The following GLI3 variants were observed in gnomAD, a reference collection of about 807,000 sequenced individuals.
GLI3 encodes the protein transcription activator GLI3.
GLI3 carries 20 observed loss-of-function variants against 100.8 expected under a neutral mutation model. The observed-to-expected ratio is 0.20, with a 90% confidence interval of 0.14 to 0.29. GLI3 has a LOEUF of 0.29. GLI3 is among the 10% of genes least tolerant of loss of function. The pLI, the probability that GLI3 is intolerant of heterozygous loss-of-function variation, is 1.00. For missense variants in GLI3, 2,040 were observed against 2,128.5 expected (o/e 0.96, Z 0.82); for synonymous variants, 938 against 860.5 (o/e 1.09, Z -1.58).
intron 10 of GLI3, among the ~76,000 whole-genome samples, chr7:41,989,266 A>G (rs1291114144): frequency 1.3e-5 from 2 of 152,212 alleles, no homozygotes; most frequent in African/African-American, 4.8e-5. Flanking sequence ...TAGTCATGGA[A>G]CGAAATTATT....
chr7:42,140,608 G>C (rs1008841538), intron 3 of GLI3, among the ~76,000 whole-genome samples: 1 of 152,162 alleles, frequency 6.6e-6, no homozygotes, highest in African/African-American at 2.4e-5. Context: ...TCAGAAGACA[G>C]GGAGAAGAGA....
chr7:42,152,543 A>G (rs909200375), intron 2 of GLI3: 2 of 381,658 alleles, frequency 5.2e-6, no homozygotes, highest in African/African-American at 4.4e-5. Flanking sequence ...TAACAAGCTC[A>G]TTAGTATTCT....
At chr7:42,179,360 G>T (rs1787545795) in intron 2 of GLI3, among the ~76,000 whole-genome samples, 1 of 152,186 alleles carries the variant, frequency 6.6e-6, no homozygotes, top group South Asian at 2.1e-4. Context: ...CTGGAGCAGA[G>T]GGAAGGCGTG....
intron 1 of GLI3, among the ~76,000 whole-genome samples, chr7:42,257,380 G>A (rs1423407749): frequency 2.7e-5 from 4 of 147,764 alleles, no homozygotes; most frequent in Non-Finnish European, 6.0e-5. Context: ...TTTTGAGACG[G>A]AGTCTCGCTC....
At chr7:42,155,054 T>G (rs775100064) in intron 2 of GLI3, among the ~76,000 whole-genome samples, 1 of 152,202 alleles carries the variant, frequency 6.6e-6, no homozygotes, top group Admixed American at 6.5e-5. Flanking sequence ...GAAATTCAAG[T>G]GACAACTCTC....
chr7:42,238,818 C>T (rs1217550754), upstream of GLI3, among the ~76,000 whole-genome samples: 1 of 152,208 alleles, frequency 6.6e-6, no homozygotes, highest in Non-Finnish European at 1.5e-5. Flanking sequence ...TCCAACATCC[C>T]CTCTTTCTGG....
chr7:42,118,864 T>C (rs1261084707), intron 3 of GLI3, among the ~76,000 whole-genome samples: 6 of 152,240 alleles, frequency 3.9e-5, no homozygotes, highest in Non-Finnish European at 8.8e-5. Flanking sequence ...AACAAATCAC[T>C]GTTTTGAAAG....
intron 2 of GLI3, among the ~76,000 whole-genome samples, chr7:42,187,503 T>G (rs1787740799): frequency 6.6e-6 from 1 of 152,118 alleles, no homozygotes; most frequent in South Asian, 2.1e-4. Flanking sequence ...TAATAAGATT[T>G]TCATTATTTT....
intron 3 of GLI3, among the ~76,000 whole-genome samples, chr7:42,100,670 G>C (rs1334631768): frequency 6.6e-6 from 1 of 152,026 alleles, no homozygotes; most frequent in African/African-American, 2.4e-5. Context: ...TGAAGCCAGG[G>C]GGCGAAGGTT....
chr7:42,176,354 T>C (rs1172532794), intron 2 of GLI3, among the ~76,000 whole-genome samples: 1 of 151,620 alleles, frequency 6.6e-6, no homozygotes, highest in Non-Finnish European at 1.5e-5. Context: ...TGAAGGCCCA[T>C]AGGTCACATG....
intron 3 of GLI3, among the ~76,000 whole-genome samples, chr7:42,126,946 A>G (rs1583580079): frequency 6.6e-6 from 1 of 152,008 alleles, no homozygotes; most frequent in East Asian, 1.9e-4. Flanking sequence ...CCAGAGAAAA[A>G]CCCAATGACG....
rs201070431 is a variant in GLI3 at position 42,026,234 on chromosome 7, C to T, written c.1207G>A (p.Val403Ile). 195 of 1,613,600 alleles carry T rather than the reference C, an allele frequency of 1.2e-4. No individual in the cohort carries two copies. The highest frequency in any genetic ancestry group is 1.4e-4 in the Non-Finnish European group (170 of 1,179,824). Residue 403 changes from valine to isoleucine, a missense_variant, in exon 8 of 15, where the codon GTC becomes ATC. Physicochemically the swap from Val to Ile is conservative, Grantham distance 29. Around this residue, in one of 5 missense-constraint regions of GLI3, gnomAD observed 603 missense variants for 690.9 expected, o/e 0.87. Coordinates refer to ENST00000395925, the MANE Select transcript of GLI3 (RefSeq NM_000168.6). ...TCAGAAGGGCCGGAGCTGACCTGGA[C>T]GGGGTTCAGAACCGTAGGGATCCCT... ...IPGIPTVLNP[V>I]QVSSGPSESS...
At chr7:42,182,873 G>C (rs1252492011) in intron 2 of GLI3, among the ~76,000 whole-genome samples, 6 of 151,604 alleles carry the variant, frequency 4.0e-5, no homozygotes, top group Admixed American at 6.6e-5. Flanking sequence ...TTTGAGGCCA[G>C]GAGTTCAAGA....
chr7:42,099,715 G>T (rs1303337126), intron 3 of GLI3, among the ~76,000 whole-genome samples: 2 of 152,170 alleles, frequency 1.3e-5, no homozygotes, highest in African/African-American at 4.8e-5. Flanking sequence ...ATTATTTGTA[G>T]AGACAGAGTC....
chr7:42,186,835 G>T (rs1787725537), intron 2 of GLI3, among the ~76,000 whole-genome samples: 1 of 152,124 alleles, frequency 6.6e-6, no homozygotes, highest in South Asian at 2.1e-4. Flanking sequence ...TCTACATTTT[G>T]GGATTAAATA....
intron 7 of GLI3, among the ~76,000 whole-genome samples, chr7:42,039,815 T>C (rs1411900722): frequency 6.6e-6 from 1 of 152,216 alleles, no homozygotes; most frequent in Non-Finnish European, 1.5e-5. Context: ...TATTTCTATA[T>C]AGGGGCTATT....
At chr7:42,251,877 T>G (rs7801705) in intron 1 of GLI3, among the ~76,000 whole-genome samples, 1 of 151,540 alleles carries the variant, frequency 6.6e-6, no homozygotes, top group Non-Finnish European at 1.5e-5. Flanking sequence ...TCAGAAGTAA[T>G]GGCAAGTTAT....
chr7:42,189,010 A>G (rs1217737255), intron 2 of GLI3, among the ~76,000 whole-genome samples: 1 of 152,152 alleles, frequency 6.6e-6, no homozygotes, highest in Non-Finnish European at 1.5e-5. Context: ...TGATAATGCG[A>G]TGTCCATGTT....
chr7:42,126,436 T>C (rs982728140), intron 3 of GLI3, among the ~76,000 whole-genome samples: 1 of 152,174 alleles, frequency 6.6e-6, no homozygotes, highest in Non-Finnish European at 1.5e-5. Context: ...TCATTAAAGA[T>C]TTCAGCCAGC....
Sources: gnomAD v4.1 joint callset for allele counts (sites outside exome capture counted in the v4.1 genomes callset) on GRCh38, gnomAD v4.1.1 for gene constraint, gnomAD v4.1.1 regional missense constraint, MANE v1.5 for transcripts, NCBI Gene and HGNC (gene_info 2026-07-23, HGNC 2026-07-21) for gene names.